Variants in ANKAR observed in about 807,000 individuals in gnomAD.
ANKAR encodes the protein ankyrin and armadillo repeat containing, also known as ankyrin and armadillo repeat-containing protein.
In ANKAR, 136 loss-of-function variants were observed where a neutral mutation model predicts 146.2. The ratio of observed to expected loss-of-function variants is 0.93; its 90% CI spans 0.81 to 1.07. The LOEUF (loss-of-function observed/expected upper bound fraction) is 1.07, where lower values mean the gene tolerates loss of function less well. ANKAR is among the 50% of genes least tolerant of loss of function. The probability of loss-of-function intolerance (pLI) is 0.00; values close to 1 mark genes in which losing one functional copy is unlikely to be tolerated. For synonymous variants in ANKAR, 500 were observed against 575.8 expected (o/e 0.87, Z 1.88); for missense variants, 1,567 against 1,679.9 (o/e 0.93, Z 1.18).
intron 18 of ANKAR, among the ~76,000 whole-genome samples, chr2:189,756,790 C>A (rs1371481333): frequency 1.3e-5 from 2 of 152,134 alleles, no homozygotes; most frequent in African/African-American, 4.8e-5. Context: ...ATTGTACTTT[C>A]CTAACTCTGT....
At chr2:189,726,376 G>A (rs2041878229) in intron 12 of ANKAR, among the ~76,000 whole-genome samples, 1 of 151,828 alleles carries the variant, frequency 6.6e-6, no homozygotes, top group Non-Finnish European at 1.5e-5. Flanking sequence ...TGAACCCCTG[G>A]GCTCAAGCAG....
chr2:189,691,055 G>A (rs558282273), intron 3 of ANKAR, among the ~76,000 whole-genome samples: 1 of 152,292 alleles, frequency 6.6e-6, no homozygotes, highest in African/African-American at 2.4e-5. Flanking sequence ...GCTGGAATTT[G>A]AGAAAAGAAA....
At chr2:189,676,131 G>C (rs181438900) in intron 1 of ANKAR, 13 of 204,838 alleles carry the variant, frequency 6.3e-5, no homozygotes, top group Non-Finnish European at 1.3e-4. Context: ...ATATACAAAA[G>C]AATGCCTCTC....
Position 189,677,065 on chromosome 2 carries a change from A to ACATTTTT in ANKAR, c.576_582dup (p.Ser195HisfsTer6). The ACATTTTT allele has an allele frequency of 6.4e-7, 1 of 1,566,864 alleles. No individual in the cohort carries two copies. Among genetic ancestry groups the ACATTTTT allele is most frequent in the Non-Finnish European group, 8.6e-7 (1 of 1,163,050 alleles). On this transcript the variant is annotated frameshift_variant, in exon 2 of 23. Coordinates refer to ENST00000684021, the MANE Select transcript of ANKAR (RefSeq NM_001378068.1). LOFTEE classifies it high-confidence loss of function. ...GATGGAAAACCTCAAACAAATAAAGACATTTTTTCAGAGTTTAGTTCAGCA... is the reference window on the plus strand; with the variant it reads ...GATGGAAAACCTCAAACAAATAAAGACATTTTTCATTTTTTCAGAGTTTAGTTCAGCA...
At chr2:189,716,468 T>A (rs1315322543) in intron 10 of ANKAR, among the ~76,000 whole-genome samples, 2 of 152,146 alleles carry the variant, frequency 1.3e-5, no homozygotes, top group Non-Finnish European at 2.9e-5. Flanking sequence ...GAACATTCCA[T>A]GCTCATGGAT....
At chr2:189,707,994 T>C (rs1384747328) in intron 9 of ANKAR, among the ~76,000 whole-genome samples, 1 of 152,062 alleles carries the variant, frequency 6.6e-6, no homozygotes, top group East Asian at 1.9e-4. Flanking sequence ...AGGAAAGACC[T>C]AAAGATGCCA....
intron 2 of ANKAR, among the ~76,000 whole-genome samples, chr2:189,688,605 A>G (rs2035951850): frequency 6.6e-6 from 1 of 152,234 alleles, no homozygotes; most frequent in Non-Finnish European, 1.5e-5. Context: ...AGAGAGGAGC[A>G]AGACAGGAAT....
intron 10 of ANKAR, among the ~76,000 whole-genome samples, chr2:189,715,876 C>T (rs2040396999): frequency 6.6e-6 from 1 of 152,160 alleles, no homozygotes; most frequent in African/African-American, 2.4e-5. Context: ...AGGCCTTTGA[C>T]AAAATTCAAC....
At position 189,720,669 on chromosome 2, in the gene ANKAR, G is replaced by T; in HGVS notation, c.2517G>T (p.Val839=). Residue 839 remains valine (V), a synonymous_variant, in exon 12 of 23, where the codon GTG becomes GTT. Coordinates refer to ENST00000684021, the MANE Select transcript of ANKAR (RefSeq NM_001378068.1). ...TATTGAACTTAAACATAGAAAATGT[G>T]CTAGTAAATGTAATGAACTGTATAC... ...INLLNLNIEN[V]LVNVMNCIRV... The T allele has an allele frequency of 7.1e-7, 1 of 1,406,070 alleles. No homozygotes were observed. Among genetic ancestry groups the T allele is most frequent in the Non-Finnish European group, 9.3e-7 (1 of 1,072,726 alleles). The allele number at this position is 1,406,070 out of a possible 1,614,324, so 87.1% of individuals were successfully genotyped here.
rs771271300 is a variant in ANKAR, at chr2:189,676,965, C to T, written c.475C>T (p.His159Tyr). 6.2e-7 allele frequency: 1 copy of T among 1,613,968 alleles called. No individual in the cohort carries two copies. Among genetic ancestry groups the T allele is most frequent in the Non-Finnish European group, 8.5e-7 (1 of 1,180,028 alleles). Residue 159 changes from histidine (H) to tyrosine (Y), a missense_variant, in exon 2 of 23, where the codon CAT (histidine) becomes TAT (tyrosine). Transcript: ENST00000684021. Reference protein sequence around the residue: ...NIDYMLKALWHGIYMPKEKRA... With the variant: ...NIDYMLKALWYGIYMPKEKRA... ...TGACTACATGCTGAAAGCACTATGG[C>T]ATGGAATATATATGCCCAAAGAAAA... is the stretch of plus-strand genomic sequence containing the variant.
chr2:189,688,946 G>A (rs1574392694), intron 2 of ANKAR, among the ~76,000 whole-genome samples: 2 of 200 alleles, frequency 0.01, no homozygotes, highest in Admixed American at 0.12. Flanking sequence ...GCTCTAGTTA[G>A]GCGTAGGGGA....
intron 9 of ANKAR, among the ~76,000 whole-genome samples, chr2:189,710,239 G>C (rs1478355217): frequency 6.6e-6 from 1 of 152,124 alleles, no homozygotes; most frequent in South Asian, 2.1e-4. Flanking sequence ...TTTCCTGTGT[G>C]TATATTTGTA....
At chr2:189,756,080 G>A (rs1296527763) in intron 18 of ANKAR, among the ~76,000 whole-genome samples, 1 of 152,204 alleles carries the variant, frequency 6.6e-6, no homozygotes, top group Non-Finnish European at 1.5e-5. Flanking sequence ...CAGCTATTCA[G>A]CTGGAATGAC....
intron 18 of ANKAR, among the ~76,000 whole-genome samples, chr2:189,757,808 C>A (rs1475303821): frequency 6.6e-6 from 1 of 152,170 alleles, no homozygotes; most frequent in Non-Finnish European, 1.5e-5. Flanking sequence ...TGAGATGAGC[C>A]AGGTGGATGG....
chr2:189,710,533 C>T (rs112367811), intron 9 of ANKAR, among the ~76,000 whole-genome samples: 1 of 152,204 alleles, frequency 6.6e-6, no homozygotes, highest in African/African-American at 2.4e-5. Flanking sequence ...GGCACAGTGG[C>T]TCATGCCTGT....
intron 3 of ANKAR, among the ~76,000 whole-genome samples, chr2:189,691,962 A>G (rs1044375273): frequency 1.3e-5 from 2 of 151,988 alleles, no homozygotes; most frequent in Non-Finnish European, 2.9e-5. Context: ...GGGTTTCACC[A>G]TGTTGCCCAG....
In ANKAR at chr2:189,715,511, C is replaced by A. The variant is rs190698464; in HGVS notation, c.2225-4061C>A. Among the ~76,000 whole-genome samples the A allele has an allele frequency of 2.0e-5, 3 of 152,310 alleles. No individual in the cohort carries two copies. The East Asian group carries it at 5.8e-4, about 29-fold the overall frequency. On this transcript the variant is annotated intron_variant, in intron 10 of 22. Coordinates refer to ENST00000684021, the MANE Select transcript of ANKAR (RefSeq NM_001378068.1). Reference sequence around the variant, plus strand: ...TCACAGCCGAATTCTACCAGAGATACAAAGAGGAGCTGGTACCATTCCTTC... The same window carrying A: ...TCACAGCCGAATTCTACCAGAGATAAAAAGAGGAGCTGGTACCATTCCTTC...
chr2:189,725,785 G>A (rs1053492563), intron 12 of ANKAR, among the ~76,000 whole-genome samples: 11 of 152,292 alleles, frequency 7.2e-5, no homozygotes, highest in Admixed American at 3.3e-4. Context: ...GCACATGCCT[G>A]TATTCCCAGC....
At chr2:189,700,597 A>G (rs572565893) in intron 7 of ANKAR, among the ~76,000 whole-genome samples, 1 of 152,226 alleles carries the variant, frequency 6.6e-6, no homozygotes, top group East Asian at 1.9e-4. Flanking sequence ...AATTTTTTTT[A>G]CTATAGTCAC....
Sources: gnomAD v4.1 joint callset for allele counts (sites outside exome capture counted in the v4.1 genomes callset) on GRCh38, gnomAD v4.1.1 for gene constraint, MANE v1.5 for transcripts, NCBI Gene and HGNC (gene_info 2026-07-23, HGNC 2026-07-21) for gene names.